JAZF1: variants seen among roughly 807,000 people sequenced by gnomAD.
JAZF1 encodes JAZF zinc finger 1, also known as juxtaposed with another zinc finger protein 1.
JAZF1 carries 8 observed loss-of-function variants against 26.4 expected under a neutral mutation model. That is an observed-to-expected ratio of 0.30 (90% CI 0.18 to 0.55). The LOEUF is 0.55. Among genes scored for constraint, JAZF1 ranks in the 20% least tolerant of loss-of-function variants. The pLI is 0.94. For missense variants in JAZF1, 199 were observed against 322.0 expected (o/e 0.62, Z 2.92); for synonymous variants, 126 against 122.3 (o/e 1.03, Z -0.20).
chr7:28,094,979 C>T (rs1562585288), intron 1 of JAZF1, among the ~76,000 whole-genome samples: 1 of 152,110 alleles, frequency 6.6e-6, no homozygotes, highest in Non-Finnish European at 1.5e-5. Context: ...AAAACTGGCA[C>T]CCCAGAGAAG....
chr7:27,926,815 G>A (rs938640701), intron 2 of JAZF1, among the ~76,000 whole-genome samples: 1 of 152,218 alleles, frequency 6.6e-6, no homozygotes, highest in Admixed American at 6.5e-5. Context: ...CCATGTTGGG[G>A]ATTGGAGGTA....
intron 1 of JAZF1, among the ~76,000 whole-genome samples, chr7:28,179,969 G>A (rs866696123): frequency 0.012 from 1,339 of 116,028 alleles, 17 homozygotes; most frequent in African/African-American, 0.034. Context: ...CTGACAGCTC[G>A]AGCCGGGGCG....
intron 2 of JAZF1, among the ~76,000 whole-genome samples, chr7:27,930,115 C>A (rs1320870229): frequency 6.6e-6 from 1 of 152,024 alleles, no homozygotes; most frequent in Non-Finnish European, 1.5e-5. Context: ...CCTGCCTCAG[C>A]CCCCCGAGTA....
intron 3 of JAZF1, among the ~76,000 whole-genome samples, chr7:27,885,708 T>C (rs1039338377): frequency 6.6e-6 from 1 of 152,186 alleles, no homozygotes; most frequent in Non-Finnish European, 1.5e-5. Context: ...ACAGACACTT[T>C]AGATATAGTG....
intron 2 of JAZF1, among the ~76,000 whole-genome samples, chr7:27,989,830 T>C (rs1785858144): frequency 6.6e-6 from 1 of 152,212 alleles, no homozygotes; most frequent in Non-Finnish European, 1.5e-5. Flanking sequence ...TTTTACACTG[T>C]TGGTGGGACT....
chr7:28,040,656 T>G (rs1382744694), intron 1 of JAZF1, among the ~76,000 whole-genome samples: 2 of 151,988 alleles, frequency 1.3e-5, no homozygotes, highest in African/African-American at 4.8e-5. Flanking sequence ...GGTGTAGAAG[T>G]GTGTTTGGTG....
At chr7:27,889,481 T>C (rs545584734) in intron 3 of JAZF1, among the ~76,000 whole-genome samples, 24 of 152,354 alleles carry the variant, frequency 1.6e-4, no homozygotes, top group Non-Finnish European at 2.6e-4. Flanking sequence ...AGTAATTCTA[T>C]ATCTTCCAAT....
chr7:28,153,591 T>C (rs1173917607), intron 1 of JAZF1, among the ~76,000 whole-genome samples: 1 of 152,214 alleles, frequency 6.6e-6, no homozygotes, highest in Non-Finnish European at 1.5e-5. Flanking sequence ...TCTCACTCTC[T>C]GCAGCCATAC....
intron 3 of JAZF1, among the ~76,000 whole-genome samples, chr7:27,892,423 A>G: frequency 6.6e-6 from 1 of 152,236 alleles, no homozygotes. Flanking sequence ...ACATTCTTAC[A>G]TGAAAAATAA....
intron 1 of JAZF1, among the ~76,000 whole-genome samples, chr7:28,164,824 A>G (rs1393292745): frequency 6.6e-6 from 1 of 152,210 alleles, no homozygotes; most frequent in East Asian, 1.9e-4. Context: ...AAATTTTTTA[A>G]AAGAAATCTA....
chr7:28,084,867 T>G (rs1358637733), intron 1 of JAZF1, among the ~76,000 whole-genome samples: 1 of 152,174 alleles, frequency 6.6e-6, no homozygotes, highest in South Asian at 2.1e-4. Context: ...TATTGAGAGG[T>G]GGGGCCTTTA....
chr7:27,920,245 T>C (rs903866626), intron 2 of JAZF1, among the ~76,000 whole-genome samples: 3 of 152,120 alleles, frequency 2.0e-5, no homozygotes, highest in Non-Finnish European at 2.9e-5. Flanking sequence ...CATAATTTTA[T>C]TATAATTGTT....
At chr7:27,877,982 C>G (rs1254287442) in intron 3 of JAZF1, among the ~76,000 whole-genome samples, 1 of 152,156 alleles carries the variant, frequency 6.6e-6, no homozygotes, top group African/African-American at 2.4e-5. Context: ...TTTAAAAAAG[C>G]ATTTTTCTTC....
chr7:28,085,015 A>T (rs1410463322), intron 1 of JAZF1, among the ~76,000 whole-genome samples: 1 of 152,210 alleles, frequency 6.6e-6, no homozygotes, highest in Non-Finnish European at 1.5e-5. Flanking sequence ...ACTTGGAGGA[A>T]GGCCTCACGA....
At chr7:28,166,515 C>G (rs926381708) in intron 1 of JAZF1, among the ~76,000 whole-genome samples, 2 of 152,230 alleles carry the variant, frequency 1.3e-5, no homozygotes, top group African/African-American at 4.8e-5. Context: ...TGATTCACCA[C>G]AAACCTTTAC....
intron 4 of JAZF1, among the ~76,000 whole-genome samples, chr7:27,834,892 CAG>C (rs1400468210): frequency 6.6e-6 from 1 of 152,154 alleles, no homozygotes; most frequent in Non-Finnish European, 1.5e-5. Flanking sequence ...GTGAGAGAGA[CAG>C]AAAGAGAGTG....
intron 2 of JAZF1, among the ~76,000 whole-genome samples, chr7:27,901,994 A>C (rs886126862): frequency 1.7e-4 from 26 of 152,218 alleles, no homozygotes; most frequent in South Asian, 1.2e-3. Context: ...TGCAACCTGC[A>C]ATTTTGAGAT....
At chr7:28,047,590 C>T (rs1030676865) in intron 1 of JAZF1, among the ~76,000 whole-genome samples, 2 of 152,008 alleles carry the variant, frequency 1.3e-5, no homozygotes, top group African/African-American at 4.8e-5. Flanking sequence ...AAAGGTATCC[C>T]TTTCATCCCA....
At chr7:27,994,157 T>C (rs1286813175) in intron 1 of JAZF1, among the ~76,000 whole-genome samples, 3 of 152,192 alleles carry the variant, frequency 2.0e-5, no homozygotes, top group African/African-American at 7.2e-5. Flanking sequence ...CTAGAATCTC[T>C]TTGGGAAATG....
Sources: allele counts gnomAD v4.1 joint callset (sites outside exome capture counted in the v4.1 genomes callset), GRCh38; gene constraint gnomAD v4.1.1; transcripts MANE v1.5; gene names NCBI Gene and HGNC (gene_info 2026-07-23, HGNC 2026-07-21).